Variants in MYO18B observed in about 807,000 individuals in gnomAD.
MYO18B encodes the protein unconventional myosin-XVIIIb.
MYO18B carries 204 observed loss-of-function variants against 273.0 expected under a neutral mutation model. The observed-to-expected ratio is 0.75, with a 90% CI of 0.67 to 0.84. MYO18B has a LOEUF of 0.84. Among genes scored for constraint, MYO18B ranks in the 40% least tolerant of loss-of-function variants. MYO18B has a pLI of 0.00. For missense variants in MYO18B, 3,212 were observed against 3,287.6 expected, an observed-to-expected ratio of 0.98 and a Z score of 0.56; for synonymous variants, 1,330 against 1,305.7, an observed-to-expected ratio of 1.02 and a Z score of -0.40.
chr22:25,847,960 C>T (rs948263466), intron 20 of MYO18B, among the ~76,000 whole-genome samples: 1 of 150,984 alleles, frequency 6.6e-6, no homozygotes, highest in African/African-American at 2.5e-5. Context: ...CACACACACA[C>T]ACACACACAC....
At chr22:26,011,229 A>T (rs934773583) in intron 42 of MYO18B, among the ~76,000 whole-genome samples, 1 of 151,972 alleles carries the variant, frequency 6.6e-6, no homozygotes, top group African/African-American at 2.4e-5. Context: ...TGCCTGCACC[A>T]TTCTGAGTCC....
chr22:25,769,458 A>T (rs772158046), intron 4 of MYO18B, 30 bp downstream of exon 4: 2 of 1,477,524 alleles, frequency 1.4e-6, no homozygotes, highest in Non-Finnish European at 1.8e-6. Context: ...GGGAGCGGGA[A>T]GCGGCAGACA....
intron 25 of MYO18B, among the ~76,000 whole-genome samples, chr22:25,886,523 G>C (rs1173468253): frequency 2.0e-5 from 3 of 152,136 alleles, no homozygotes; most frequent in Non-Finnish European, 2.9e-5. Context: ...TGGGAGTGGG[G>C]GCTTCCCTTC....
intron 6 of MYO18B, among the ~76,000 whole-genome samples, chr22:25,772,119 C>T (rs1001673487): frequency 4.6e-5 from 7 of 152,214 alleles, no homozygotes; most frequent in African/African-American, 1.4e-4. Flanking sequence ...GGGGGTGCCT[C>T]ATAGGTTGCA....
intron 39 of MYO18B, among the ~76,000 whole-genome samples, chr22:25,958,455 A>G (rs1450028097): frequency 1.3e-5 from 2 of 152,134 alleles, no homozygotes; most frequent in African/African-American, 2.4e-5. Flanking sequence ...TCACCAACCT[A>G]TTTGCTCTCA....
At chr22:25,937,070 A>G (rs1233420321) in intron 34 of MYO18B, among the ~76,000 whole-genome samples, 1 of 144,062 alleles carries the variant, frequency 6.9e-6, no homozygotes, top group Non-Finnish European at 1.6e-5. Flanking sequence ...AGATAGAAAA[A>G]TAAATATTCA....
At chr22:25,963,828 C>A (rs1248218317) in intron 39 of MYO18B, among the ~76,000 whole-genome samples, 1 of 151,692 alleles carries the variant, frequency 6.6e-6, no homozygotes, top group East Asian at 1.9e-4. Context: ...CAAATGACAG[C>A]CCATAATAAG....
At chr22:25,948,486 C>T (rs5752247) in intron 36 of MYO18B, among the ~76,000 whole-genome samples, 3 of 73,202 alleles carry the variant, frequency 4.1e-5, no homozygotes, top group Non-Finnish European at 6.0e-5. Flanking sequence ...TTCTTTCTTT[C>T]TCTTTCTTTC....
intron 11 of MYO18B, among the ~76,000 whole-genome samples, chr22:25,796,432 A>G (rs530599167): frequency 6.7e-4 from 102 of 152,126 alleles, no homozygotes; most frequent in Middle Eastern, 3.4e-3. Context: ...AAAAAATGAT[A>G]ATAATAAAAT....
chr22:25,801,872 G>A (rs537694162), intron 12 of MYO18B, among the ~76,000 whole-genome samples: 21 of 152,348 alleles, frequency 1.4e-4, no homozygotes, highest in Admixed American at 2.6e-4. Flanking sequence ...TAAAGCTAGA[G>A]ATGGGATTTG....
rs1367245794 is a variant in MYO18B at position 25,892,212 on chromosome 22, T to G, written c.4543+800T>G. 3.3e-5 allele frequency: 5 copies of G among 152,238 alleles called. No individual in the cohort carries two copies. In the East Asian group the frequency reaches 5.8e-4, roughly 18 times the overall value. The allele number at this position is 152,238 out of a possible 1,614,324, so 9.4% of individuals were successfully genotyped here. The stretch of plus-strand genomic sequence containing the variant: ...TGTATAGAATAGAGTGATGAATAGC[T>G]AATAGCTACTTTACCATTATTATGA... On this transcript the variant is annotated intron_variant, in intron 27 of 43. Transcript: ENST00000335473.
At chr22:25,801,400 G>A (rs2088188690) in intron 12 of MYO18B, among the ~76,000 whole-genome samples, 1 of 152,032 alleles carries the variant, frequency 6.6e-6, no homozygotes, top group Admixed American at 6.6e-5. Context: ...TAACTTAATG[G>A]GCAAGAGTCA....
chr22:25,929,583 T>A (rs1463479764), intron 34 of MYO18B, among the ~76,000 whole-genome samples: 6 of 152,220 alleles, frequency 3.9e-5, no homozygotes, highest in African/African-American at 7.2e-5. Flanking sequence ...CTGACCTTTG[T>A]CTCTTCCACA....
In MYO18B at chr22:25,846,175, C is replaced by T. The variant is rs908563827; in HGVS notation, c.3444C>T (p.Gly1148=). ...GCCGGGCTGTGGCAGGCCTGGAGGG[C>T]ACCTCCCAGCAGGCCCTGCAGAGGA... The part of the protein sequence containing the change: ...PVCRAVAGLE[G]TSQQALQRSR... The change falls in exon 19 of 44, where the codon GGC becomes GGT. Residue 1148 remains glycine, a synonymous_variant. Coordinates refer to ENST00000335473, the MANE Select transcript of MYO18B (RefSeq NM_032608.7). 4 of 1,611,198 alleles carry T rather than the reference C, an allele frequency of 2.5e-6. No individual in the cohort carries two copies. The highest frequency in any genetic ancestry group is 1.7e-5 in the Admixed American group (1 of 59,842).
At chr22:26,041,826 GAA>G in the MYO18B span, among the ~76,000 whole-genome samples, 1 of 152,288 alleles carries the variant, frequency 6.6e-6, no homozygotes, top group South Asian at 2.1e-4. Flanking sequence ...TTGGAATGGA[GAA>G]ATGAGGGCCT....
At chr22:25,924,181 C>T (rs899656505) in intron 34 of MYO18B, among the ~76,000 whole-genome samples, 2 of 152,210 alleles carry the variant, frequency 1.3e-5, no homozygotes, top group African/African-American at 2.4e-5. Flanking sequence ...TCAAATAAAG[C>T]AGTGATGACA....
rs533297417 is a variant in MYO18B, at chr22:26,026,743, C to G, written c.6769C>G (p.Leu2257Val). The change falls in exon 43 of 44, where the codon CTC becomes GTC. Residue 2257 changes from leucine (L) to valine (V), a missense_variant. By Grantham distance (32) the Leu-to-Val change is conservative. Transcript: ENST00000335473. Reference protein sequence around the residue: ...SAALSEFVEGLRRKRAQRGQG... With the variant: ...SAALSEFVEGVRRKRAQRGQG... ...GGCCCTCTCGGAGTTCGTGGAAGGG[C>G]TCCGGAGGAAGAGAGCCCAGAGAGG... The G allele has an allele frequency of 3.1e-6, 5 of 1,612,976 alleles. No individual in the cohort carries two copies. The highest frequency in any genetic ancestry group is 4.2e-6 in the Non-Finnish European group (5 of 1,179,556).
At position 25,768,665 on chromosome 22, in the gene MYO18B, C is replaced by A. The variant is rs1297539480; in HGVS notation, c.749C>A (p.Thr250Asn). The A allele has an allele frequency of 6.5e-7, 1 of 1,541,404 alleles. No homozygotes were observed. The highest frequency in any genetic ancestry group is 8.7e-7 in the Non-Finnish European group (1 of 1,148,662). The stretch of plus-strand genomic sequence containing the variant: ...GGGAAGGGGCTTGGGACCCCCAAGA[C>A]CACAGAGCTGAAAGAGGCTGAGCCC... ...IVGKGLGTPK[T>N]TELKEAEPQG... The change falls in exon 4 of 44, where the codon ACC becomes AAC. Residue 250 changes from threonine (T) to asparagine (N), a missense_variant. Transcript: ENST00000335473.
At chr22:25,984,580 A>G (rs1477835191) in intron 39 of MYO18B, among the ~76,000 whole-genome samples, 2 of 152,168 alleles carry the variant, frequency 1.3e-5, no homozygotes, top group Non-Finnish European at 2.9e-5. Flanking sequence ...ACTTGACACC[A>G]GGAGTTTGAG....
Sources: gnomAD v4.1 joint callset for allele counts (sites outside exome capture counted in the v4.1 genomes callset) on GRCh38, gnomAD v4.1.1 for gene constraint, MANE v1.5 for transcripts, NCBI Gene and HGNC (gene_info 2026-07-23, HGNC 2026-07-21) for gene names.